The following PTGIR variants were observed in gnomAD, a reference collection of about 807,000 sequenced individuals.
PTGIR encodes prostacyclin receptor.
PTGIR carries 16 observed loss-of-function variants against 17.6 expected under a neutral mutation model. The observed-to-expected ratio is 0.91, with a 90% CI of 0.61 to 1.38. PTGIR has a LOEUF of 1.38. PTGIR is among the 40% of genes most tolerant of loss of function. The probability of loss-of-function intolerance (pLI) is 0.00; values close to 1 mark genes in which losing one functional copy is unlikely to be tolerated. For synonymous variants in PTGIR, 274 were observed against 255.4 expected (o/e 1.07, Z -0.69); for missense variants, 532 against 548.6 (o/e 0.97, Z 0.30).
chr19:46,616,448 C>A (rs991129071), downstream of PTGIR, among the ~76,000 whole-genome samples: 2 of 150,404 alleles, frequency 1.3e-5, no homozygotes, highest in Non-Finnish European at 2.9e-5. Context: ...ATTCTCCTGC[C>A]TCAGCCTCCC....
chr19:46,612,805 T>C, the PTGIR span, among the ~76,000 whole-genome samples: 1 of 152,092 alleles, frequency 6.6e-6, no homozygotes, highest in Non-Finnish European at 1.5e-5. Flanking sequence ...AGATGGGCTG[T>C]GGTTTCCCAC....
chr19:46,615,082 G>A, the PTGIR span, among the ~76,000 whole-genome samples: 2 of 152,082 alleles, frequency 1.3e-5, no homozygotes, highest in Non-Finnish European at 2.9e-5. Flanking sequence ...TCAGCTAGTC[G>A]AGAGGCTGAG....
Position 46,621,703 on chromosome 19 carries a change from C to T in PTGIR, c.769-31G>A. On this transcript the variant is annotated intron_variant, in intron 2 of 2. Coordinates refer to ENST00000291294, the MANE Select transcript of PTGIR (RefSeq NM_000960.4). This position sits in a 1 kb window ranked among gnomAD's most constrained non-coding sequence, Gnocchi z 4.8. ...GGCAGGGTGAGGGCGTCAAGGAGCACCCAGGAGTCCTCAGCCTCCCCACCC... is the reference window on the plus strand; with the variant it reads ...GGCAGGGTGAGGGCGTCAAGGAGCATCCAGGAGTCCTCAGCCTCCCCACCC... The T allele has an allele frequency of 6.3e-7, 1 of 1,584,016 alleles. No individual in the cohort carries two copies. The highest frequency in any genetic ancestry group is 1.3e-5 in the African/African-American group (1 of 74,472).
chr19:46,614,025 A>G, the PTGIR span, among the ~76,000 whole-genome samples: 1 of 152,246 alleles, frequency 6.6e-6, no homozygotes, highest in African/African-American at 2.4e-5. Flanking sequence ...AAAGACAAAT[A>G]GACCGCACTC....
intron 2 of PTGIR, chr19:46,622,024 G>T: frequency 1.0e-6 from 1 of 985,400 alleles, no homozygotes; most frequent in Non-Finnish European, 1.2e-6. Flanking sequence ...CTGCGGTGGT[G>T]CCTGTGTGTA....
At chr19:46,619,142 CT>C (rs1181765493), downstream of PTGIR, among the ~76,000 whole-genome samples, 1 of 152,108 alleles carries the variant, frequency 6.6e-6, no homozygotes, top group Non-Finnish European at 1.5e-5. Flanking sequence ...CGCCCACTCG[CT>C]GTGTGAGTCG....
At position 46,621,785 on chromosome 19, in the gene PTGIR, G is replaced by T. The variant is rs958402953; in HGVS notation, c.769-113C>A. The T allele has an allele frequency of 3.8e-5, 55 of 1,459,890 alleles. 2 individuals are homozygous for T. Among genetic ancestry groups the T allele is most frequent in the Middle Eastern group, 2.5e-4 (1 of 3,958 alleles). 90.4% of individuals were successfully genotyped at this position (1,459,890 alleles called of 1,614,324 possible). ...TGAGGTAGGGGTGACATGTCAGAGG[G>T]GAAGGAGATAAGATAAAGACTAAGT... On this transcript the variant is annotated intron_variant, in intron 2 of 2. Transcript: ENST00000291294. This position sits in a 1 kb window ranked among gnomAD's most constrained non-coding sequence, Gnocchi z 4.8.
the PTGIR span, among the ~76,000 whole-genome samples, chr19:46,611,027 A>C: frequency 6.6e-6 from 1 of 152,222 alleles, no homozygotes; most frequent in Non-Finnish European, 1.5e-5. Context: ...ATGGACTGAA[A>C]GGCGGGGACT....
downstream of PTGIR, among the ~76,000 whole-genome samples, chr19:46,615,811 A>AT (rs925932548): frequency 1.0e-4 from 14 of 138,928 alleles, no homozygotes; most frequent in African/African-American, 3.2e-4. Context: ...CAGCCAAAAC[A>AT]TTTTTTTTTA....
chr19:46,622,980 A>ATTTTTTTTTTTTTTTTTTT (rs201900456), intron 2 of PTGIR: 1 of 113,312 alleles, frequency 8.8e-6, no homozygotes, highest in Admixed American at 9.1e-5. Context: ...TTTTTTTCTT[A>ATTTTTTTTTTTTTTTTTTT]TTTTTTTTTT....
Position 46,623,534 on chromosome 19 carries a change from C to A in PTGIR, c.692G>T (p.Gly231Val), listed in dbSNP as rs763233726. The change falls in exon 2 of 3, where the codon GGA becomes GTA. Residue 231 changes from glycine to valine, a missense_variant. Transcript: ENST00000291294. ...GATCAGGTGGTCCACCTCGTCCTCT[C>A]CGGTGCGCGGCCGTGGACCCAGAGA... ...QGSLGPRPRT[G>V]EDEVDHLILL... 4 of 1,562,760 alleles carry A rather than the reference C, an allele frequency of 2.6e-6. No homozygotes were observed. The highest frequency in any genetic ancestry group is 3.5e-6 in the Non-Finnish European group (4 of 1,153,212).
intron 1 of PTGIR, chr19:46,624,464 G>A (rs1364687014): frequency 1.8e-5 from 8 of 433,848 alleles, no homozygotes; most frequent in Admixed American, 8.5e-5. Context: ...CTTTTCTTTC[G>A]TTTCTTTTGA....
In PTGIR at chr19:46,621,309, C is replaced by T. The variant is rs1432416562; in HGVS notation, c.1132G>A (p.Glu378Lys). 9.9e-6 allele frequency: 15 copies of T among 1,517,072 alleles called. No individual in the cohort carries two copies. The South Asian group carries it at 1.6e-4, about 16-fold the overall frequency. The allele number at this position is 1,517,072 out of a possible 1,614,324, so 94.0% of individuals were successfully genotyped here. A position where few individuals can be genotyped will look rare whatever the true frequency, so the allele number is the denominator to read the frequency against. ...CAGAGGGAGCAGGCGACGCTGGCTT[C>T]TGCTTTGGACGACGTTCCCACGGCG... ...GSAVGTSSKA[E>K]ASVACSLC is the part of the protein sequence containing the mutation. The change falls in exon 3 of 3, where the codon GAA (glutamate) becomes AAA (lysine). Residue 378 changes from glutamate (E) to lysine (K), a missense_variant. Transcript: ENST00000291294. This position sits in a 1 kb window ranked among gnomAD's most constrained non-coding sequence, Gnocchi z 4.8.
rs2229129 is a variant in PTGIR at position 46,621,457 on chromosome 19, T to A, written c.984A>T (p.Ser328=). 3.7e-6 allele frequency: 6 copies of A among 1,613,758 alleles called. No homozygotes were observed. The highest frequency in any genetic ancestry group is 3.3e-5 in the Admixed American group (2 of 60,008). Residue 328 remains serine, a synonymous_variant, in exon 3 of 3, where the codon TCA becomes TCT. Transcript: ENST00000291294. The surrounding 1 kb of genome is among the most constrained non-coding windows in gnomAD (Gnocchi z 4.8). The part of the protein sequence containing the change: ...DSQTPLSQLA[S]GRRDPRAPSA... ...AGGGGGCCCTTGGGTCCCTCCTCCC[T>A]GAGGCGAGCTGGGAAAGGGGTGTCT...
downstream of PTGIR, among the ~76,000 whole-genome samples, chr19:46,615,492 T>A (rs1971949433): frequency 1.3e-5 from 2 of 152,156 alleles, no homozygotes; most frequent in South Asian, 4.1e-4. Context: ...TGATTTTGTA[T>A]CTGAGCTGCT....
At chr19:46,619,441 G>C (rs1343750559), downstream of PTGIR, among the ~76,000 whole-genome samples, 1 of 150,774 alleles carries the variant, frequency 6.6e-6, no homozygotes, top group Admixed American at 6.7e-5. Flanking sequence ...TTTGCAGTGA[G>C]CCAAGATGGT....
chr19:46,610,691 GT>G, the PTGIR span: 11 of 152,330 alleles, frequency 7.2e-5, no homozygotes, highest in Admixed American at 3.9e-4. Flanking sequence ...TTTTGGTTTT[GT>G]TTTTTTTAAA....
the PTGIR span, among the ~76,000 whole-genome samples, chr19:46,611,627 C>G: frequency 2.6e-5 from 4 of 152,218 alleles, no homozygotes; most frequent in Admixed American, 2.6e-4. Context: ...GCCGCCTCAA[C>G]AGCGCCCAGT....
Position 46,623,600 on chromosome 19 carries a change from C to G in PTGIR, c.626G>C (p.Ser209Thr), listed in dbSNP as rs1173352503. 3 of 1,549,586 alleles carry G rather than the reference C, an allele frequency of 1.9e-6. No homozygotes were observed. In the African/African-American group the frequency reaches 4.1e-5, roughly 21 times the overall value. Residue 209 changes from serine (S) to threonine (T), a missense_variant, in exon 2 of 3, where the codon AGC (serine) becomes ACC (threonine). Physicochemically the swap from Ser to Thr is moderately conservative, Grantham distance 58. Transcript: ENST00000291294. ...CTGCTGGCGGTACATGCGGCAGAGGCTGAGGGTGACCGAGCCGTTGCAGAG... is the reference window on the plus strand; with the variant it reads ...CTGCTGGCGGTACATGCGGCAGAGGGTGAGGGTGACCGAGCCGTTGCAGAG... ...IFLCNGSVTL[S>T]LCRMYRQQKR...
Sources: allele counts gnomAD v4.1 joint callset (sites outside exome capture counted in the v4.1 genomes callset), GRCh38; gene constraint gnomAD v4.1.1; non-coding constraint Gnocchi (gnomAD v3.1); transcripts MANE v1.5; gene names NCBI Gene and HGNC (gene_info 2026-07-23, HGNC 2026-07-21).